The following FAM72C variants were observed in gnomAD, a reference collection of about 807,000 sequenced individuals.
FAM72C encodes RUMY family member 3.
FAM72C carries 1 observed loss-of-function variant against 5.2 expected under a neutral mutation model. That is an observed-to-expected ratio of 0.19 (90% CI 0.07 to 0.91). The LOEUF (loss-of-function observed/expected upper bound fraction) is 0.91. Ranked by LOEUF, FAM72C falls within the 40% of genes least tolerant of loss-of-function variation. The probability of loss-of-function intolerance (pLI) is 0.66; values close to 1 mark genes in which losing one functional copy is unlikely to be tolerated. For missense variants in FAM72C, 4 were observed against 66.0 expected (o/e 0.06, Z 3.25); for synonymous variants, 1 against 21.8 (o/e 0.05, Z 2.66).
At position 143,967,315 on chromosome 1, in the gene FAM72C, T is replaced by A. The variant is rs1288985842; in HGVS notation, c.230+1609A>T. ...CAACATGGTGAAACCCTGTCTCTACTAAAATATGAAAAATTAGCTGGGCAT... is the reference window on the plus strand; with the variant it reads ...CAACATGGTGAAACCCTGTCTCTACAAAAATATGAAAAATTAGCTGGGCAT... On this transcript the variant is annotated intron_variant, in intron 2 of 3. Coordinates refer to ENST00000584486, the MANE Select transcript of FAM72C (RefSeq NM_001287385.2). Among the ~76,000 whole-genome samples, 551 of 144,376 alleles carry A rather than the reference T, an allele frequency of 3.8e-3. 66 individuals carry two copies. The highest frequency in any genetic ancestry group is 0.013 in the African/African-American group (523 of 38,952). The allele number at this position is 144,376 out of a possible 152,430, so 94.7% of individuals were successfully genotyped here. A position where few individuals can be genotyped will look rare whatever the true frequency, so the allele number is the denominator to read the frequency against.
chr1:143,963,650 C>T (rs1661695948), intron 3 of FAM72C, among the ~76,000 whole-genome samples: 1 of 127,804 alleles, frequency 7.8e-6, no homozygotes, highest in Non-Finnish European at 1.7e-5. Context: ...TGCGGCAAAC[C>T]TCATTGTTGT....
At chr1:143,966,947 G>T (rs1661789880) in intron 2 of FAM72C, among the ~76,000 whole-genome samples, 1 of 144,390 alleles carries the variant, frequency 6.9e-6, no homozygotes, top group Non-Finnish European at 1.5e-5. Context: ...AGAATCACTT[G>T]AACCCAGAAG....
rs587596432 is a variant in FAM72C, at chr1:143,955,494, C to T, written c.*893G>A. The T allele has an allele frequency of 7.0e-6, 1 of 142,598 alleles. No homozygotes were observed. The highest frequency in any genetic ancestry group is 2.6e-5 in the African/African-American group (1 of 38,038). 8.8% of individuals were successfully genotyped at this position (142,598 alleles called of 1,614,324 possible). A position where few individuals can be genotyped will look rare whatever the true frequency, so the allele number is the denominator to read the frequency against. On this transcript the variant is annotated 3_prime_UTR_variant, in exon 4 of 4. Transcript: ENST00000584486. ...TACATAAAACCAGAATCCAACACTA[C>T]CCTACTTTCCTATTCCTTTGTGGCT...
At chr1:143,967,037 CA>C (rs1229326876) in intron 2 of FAM72C, among the ~76,000 whole-genome samples, 4 of 135,816 alleles carry the variant, frequency 2.9e-5, no homozygotes, top group Non-Finnish European at 4.8e-5. Context: ...CAAAGCAAAA[CA>C]AAAAAAATGT....
intron 2 of FAM72C, among the ~76,000 whole-genome samples, chr1:143,966,896 C>T (rs1225778290): frequency 3.6e-5 from 5 of 139,594 alleles, no homozygotes; most frequent in South Asian, 2.4e-4. Context: ...GGCATGGTGG[C>T]ACGTGCCTGT....
chr1:143,967,484 A>T (rs1200947452), intron 2 of FAM72C, among the ~76,000 whole-genome samples: 1 of 143,584 alleles, frequency 7.0e-6, no homozygotes, highest in Non-Finnish European at 1.5e-5. Flanking sequence ...TCTTAAAAAA[A>T]AAAAAAAAAG....
chr1:143,967,178 A>C (rs1258218949), intron 2 of FAM72C, among the ~76,000 whole-genome samples: 2 of 145,626 alleles, frequency 1.4e-5, no homozygotes, highest in East Asian at 4.1e-4. Flanking sequence ...TACTAAAAAT[A>C]CAAAAATTAG....
At chr1:143,965,336 C>A (rs1661747119) in intron 2 of FAM72C, among the ~76,000 whole-genome samples, 1 of 85,554 alleles carries the variant, frequency 1.2e-5, no homozygotes, top group Non-Finnish European at 2.3e-5. Context: ...GCTGGGATTA[C>A]AGGCGTGTGC....
chr1:143,965,195 CTATTAT>C lies in FAM72C; in HGVS notation c.231-222_231-217del, dbSNP rs1288339542. The stretch of plus-strand genomic sequence containing the variant: ...AGTAAAATATTCTCACATTTCTTTG[CTATTAT>C]TATTATTATTATTATTATTATTATT... On this transcript the variant is annotated intron_variant, in intron 2 of 3. Transcript: ENST00000584486. Among the ~76,000 whole-genome samples the C allele has an allele frequency of 1.9e-3, 177 of 91,604 alleles. 1 individual carries two copies. The highest frequency in any genetic ancestry group is 6.7e-3 in the South Asian group (19 of 2,816). The allele number at this position is 91,604 out of a possible 152,430, so 60.1% of individuals were successfully genotyped here.
rs1661748316 is a variant in FAM72C at position 143,965,422 on chromosome 1, C to G, written c.231-443G>C. ...TGTTGGCCAGGCTGGTCTCGAACTC[C>G]TGACCTCAGGTGATCCACCTGCCTT... On this transcript the variant is annotated intron_variant, in intron 2 of 3. Transcript: ENST00000584486. Among the ~76,000 whole-genome samples the G allele has an allele frequency of 1.9e-5, 2 of 106,290 alleles. 1 individual carries two copies. The highest frequency in any genetic ancestry group is 7.9e-5 in the African/African-American group (2 of 25,432). The allele number at this position is 106,290 out of a possible 152,430, so 69.7% of individuals were successfully genotyped here.
At chr1:143,967,401 C>G (rs1661805788) in intron 2 of FAM72C, among the ~76,000 whole-genome samples, 2 of 143,362 alleles carry the variant, frequency 1.4e-5, no homozygotes, top group African/African-American at 5.2e-5. Context: ...TCGCTTGAAC[C>G]TGGGAGGCAG....
At chr1:143,960,737 A>G (rs1243514403) in intron 3 of FAM72C, among the ~76,000 whole-genome samples, 1 of 144,278 alleles carries the variant, frequency 6.9e-6, no homozygotes, top group Non-Finnish European at 1.5e-5. Flanking sequence ...AAAAAAAAAA[A>G]AAGAATTAGT....
chr1:143,962,257 G>A lies in FAM72C; in HGVS notation c.355+2598C>T, dbSNP rs1401032917. 1.4e-5 allele frequency among the ~76,000 whole-genome samples: 2 copies of A among 144,392 alleles called. 1 individual carries two copies. Among genetic ancestry groups the A allele is most frequent in the Non-Finnish European group, 3.1e-5 (2 of 65,194 alleles). The allele number at this position is 144,392 out of a possible 152,430, so 94.7% of individuals were successfully genotyped here. On this transcript the variant is annotated intron_variant, in intron 3 of 3. Coordinates refer to ENST00000584486, the MANE Select transcript of FAM72C (RefSeq NM_001287385.2). ...TCGAACTCCCAACCTCAGGTGATCT[G>A]CCCGCTTCGGCCTCCCAAACTGCTG...
chr1:143,960,831 ATTTT>A (rs1255827785), intron 3 of FAM72C, among the ~76,000 whole-genome samples: 1 of 115,314 alleles, frequency 8.7e-6, no homozygotes, highest in Admixed American at 8.9e-5. Flanking sequence ...TTACTAAAAT[ATTTT>A]TTTTTTTTTT....
At chr1:143,965,349 C>T (rs1661747538) in intron 2 of FAM72C, among the ~76,000 whole-genome samples, 1 of 88,658 alleles carries the variant, frequency 1.1e-5, no homozygotes. Flanking sequence ...GCGTGTGCCA[C>T]CATGCCCAGC....
Position 143,955,546 on chromosome 1 carries a change from A to ACAAAG in FAM72C, c.*836_*840dup, listed in dbSNP as rs1180741584. 6 of 144,854 alleles carry ACAAAG rather than the reference A, an allele frequency of 4.1e-5. No individual in the cohort carries two copies. The highest frequency in any genetic ancestry group is 4.2e-4 in the East Asian group (2 of 4,796). 9.0% of individuals were successfully genotyped at this position (144,854 alleles called of 1,614,324 possible). On this transcript the variant is annotated 3_prime_UTR_variant, in exon 4 of 4. Coordinates refer to ENST00000584486, the MANE Select transcript of FAM72C (RefSeq NM_001287385.2). ...TGAATGCAGCTTTAAAAAAAACAAAACAAAGCAAAGCAAAGCAAAACAAAA... is the reference window on the plus strand; with the variant it reads ...TGAATGCAGCTTTAAAAAAAACAAAACAAAGCAAAGCAAAGCAAAGCAAAACAAAA...
At chr1:143,960,606 C>T (rs1553517781) in intron 3 of FAM72C, among the ~76,000 whole-genome samples, 4 of 131,840 alleles carry the variant, frequency 3.0e-5, no homozygotes, top group East Asian at 4.7e-4. Flanking sequence ...CCTGTAATCT[C>T]GCTACTCGGG....
At chr1:143,960,004 C>A (rs1570987540) in intron 3 of FAM72C, among the ~76,000 whole-genome samples, 1 of 132,798 alleles carries the variant, frequency 7.5e-6, no homozygotes, top group East Asian at 2.2e-4. Context: ...TCCTTAAAAT[C>A]AACTTGGTCT....
intron 3 of FAM72C, among the ~76,000 whole-genome samples, chr1:143,962,310 G>A (rs1392699038): frequency 3.5e-5 from 5 of 142,718 alleles, no homozygotes; most frequent in African/African-American, 2.6e-5. Context: ...CACCGCGCCC[G>A]GCCTCTTATT....
Sources: allele counts gnomAD v4.1 joint callset (sites outside exome capture counted in the v4.1 genomes callset), GRCh38; gene constraint gnomAD v4.1.1; transcripts MANE v1.5; gene names NCBI Gene and HGNC (gene_info 2026-07-23, HGNC 2026-07-21).